CABIN1: variants seen among roughly 807,000 people sequenced by gnomAD.
CABIN1 encodes the protein calcineurin binding protein 1.
In CABIN1, 133 loss-of-function variants were observed where a neutral mutation model predicts 227.7. The ratio of observed to expected loss-of-function variants is 0.58; its 90% CI spans 0.51 to 0.67. The LOEUF (loss-of-function observed/expected upper bound fraction) is 0.67. CABIN1 is among the 30% of genes least tolerant of loss of function. The probability of loss-of-function intolerance (pLI) is 0.00; values close to 1 mark genes in which losing one functional copy is unlikely to be tolerated. For synonymous variants in CABIN1, 1,086 were observed against 1,155.1 expected (o/e 0.94, Z 1.21); for missense variants, 2,408 against 2,852.5 (o/e 0.84, Z 3.55).
intron 1 of CABIN1, among the ~76,000 whole-genome samples, chr22:24,025,854 G>A (rs1367835320): frequency 6.6e-6 from 1 of 151,678 alleles, no homozygotes; most frequent in African/African-American, 2.4e-5. Context: ...ATTTTTTTGA[G>A]ACAGGCTTTC....
intron 29 of CABIN1, among the ~76,000 whole-genome samples, chr22:24,153,339 C>T (rs2045601358): frequency 6.6e-6 from 1 of 152,194 alleles, no homozygotes; most frequent in Admixed American, 6.5e-5. Context: ...GTAAGCAGTT[C>T]TCTCTCTGGG....
chr22:24,072,731 A>G (rs1050666128), intron 18 of CABIN1, among the ~76,000 whole-genome samples: 1 of 152,198 alleles, frequency 6.6e-6, no homozygotes, highest in Non-Finnish European at 1.5e-5. Context: ...ATGTGTGAGC[A>G]TTGTATGTTT....
chr22:24,031,913 A>T (rs2036528825), intron 1 of CABIN1, among the ~76,000 whole-genome samples: 1 of 152,192 alleles, frequency 6.6e-6, no homozygotes, highest in Non-Finnish European at 1.5e-5. Context: ...TATTTTGAAA[A>T]CAAGTTCAAC....
chr22:24,168,089 A>G (rs1310498140), intron 32 of CABIN1, among the ~76,000 whole-genome samples: 2 of 152,136 alleles, frequency 1.3e-5, no homozygotes, highest in African/African-American at 2.4e-5. Flanking sequence ...TCAGCTTGTG[A>G]GGATGTAAGT....
At chr22:24,136,347 CTTTTTTTTTT>C (rs71184947) in intron 29 of CABIN1, among the ~76,000 whole-genome samples, 1 of 113,226 alleles carries the variant, frequency 8.8e-6, no homozygotes, top group African/African-American at 3.8e-5. Context: ...GCCATCCCTC[CTTTTTTTTTT>C]TTTTTTTTTT....
At chr22:24,076,065 A>T in intron 18 of CABIN1, 104 bp from the exon 19 acceptor site, 1 of 745,312 alleles carries the variant, frequency 1.3e-6, no homozygotes, top group Non-Finnish European at 2.4e-6. Context: ...AGTCATGTTG[A>T]TAAAGACAGA....
At chr22:24,048,483 T>C (rs573064310) in intron 6 of CABIN1, among the ~76,000 whole-genome samples, 2 of 152,274 alleles carry the variant, frequency 1.3e-5, no homozygotes, top group South Asian at 2.1e-4. Context: ...TACGGTGGTA[T>C]GATCACAGCT....
At chr22:24,063,625 G>A (rs772815299) in intron 14 of CABIN1, among the ~76,000 whole-genome samples, 46 of 152,192 alleles carry the variant, frequency 3.0e-4, no homozygotes, top group Non-Finnish European at 5.7e-4. Context: ...CTTGCACATG[G>A]TGGTACTGGT....
intron 13 of CABIN1, among the ~76,000 whole-genome samples, chr22:24,062,470 A>T (rs2039269233): frequency 6.9e-6 from 1 of 145,104 alleles, no homozygotes; most frequent in Non-Finnish European, 1.5e-5. Flanking sequence ...TGATTCTCCC[A>T]TATCAGCCTC....
chr22:24,067,740 C>T (rs2039793213), intron 16 of CABIN1, among the ~76,000 whole-genome samples: 1 of 152,174 alleles, frequency 6.6e-6, no homozygotes, highest in African/African-American at 2.4e-5. Context: ...TTCAACCTCT[C>T]TGAGCTCAGT....
chr22:24,134,288 T>G lies in CABIN1; in HGVS notation c.4633-14T>G. ...CCCACACACTCACTTTCAACCTACT[T>G]CTTGTTTCCCCAGAACCTCCAGTGG... On this transcript the variant is annotated splice_polypyrimidine_tract_variant and intron_variant, in intron 28 of 36. Transcript: ENST00000263119. 1 of 1,609,416 alleles carries G rather than the reference T, an allele frequency of 6.2e-7. No individual in the cohort carries two copies. Among genetic ancestry groups the G allele is most frequent in the African/African-American group, 1.3e-5 (1 of 74,890 alleles).
At position 24,167,310 on chromosome 22, in the gene CABIN1, G is replaced by A. The variant is rs775511882; in HGVS notation, c.5679G>A (p.Lys1893=). The part of the protein sequence containing the change: ...RIMSETYMLI[K]QVDEEAALEQ... ...TGTCGGAGACCTACATGCTCATCAA[G>A]CAGGTGGGTGGCAGGCAGAGGCCTG... The change falls in exon 32 of 37, where the codon AAG becomes AAA. Residue 1893 remains lysine, a synonymous_variant. Coordinates refer to ENST00000263119, the MANE Select transcript of CABIN1 (RefSeq NM_012295.4). The A allele has an allele frequency of 3.7e-6, 6 of 1,611,632 alleles. No homozygotes were observed. The highest frequency in any genetic ancestry group is 5.1e-6 in the Non-Finnish European group (6 of 1,179,230).
At chr22:24,172,137 C>T (rs575975340) in intron 34 of CABIN1, 142 bp downstream of exon 34, 3 of 1,009,382 alleles carry the variant, frequency 3.0e-6, no homozygotes, top group Admixed American at 4.6e-5. Flanking sequence ...GGGCAGGTGA[C>T]CGCGGGTCCA....
intron 9 of CABIN1, 144 bp downstream of exon 9, chr22:24,055,303 C>A (rs1203976897): frequency 3.1e-6 from 3 of 953,502 alleles, no homozygotes; most frequent in Non-Finnish European, 4.6e-6. Context: ...AGCCCCCAGC[C>A]CTAGAGGAGC....
chr22:24,134,160 G>A lies in CABIN1; in HGVS notation c.4633-142G>A, dbSNP rs1274392087. ...TCAAAGCCCATGGCCAGAGCAGCCT[G>A]GAGCTGTGGAATCGATGTCTGCAGG... On this transcript the variant is annotated intron_variant, in intron 28 of 36. Transcript: ENST00000263119. 9 of 685,386 alleles carry A rather than the reference G, an allele frequency of 1.3e-5. No homozygotes were observed. In the East Asian group the frequency reaches 2.5e-4, roughly 19 times the overall value. 42.5% of individuals were successfully genotyped at this position (685,386 alleles called of 1,614,324 possible).
chr22:24,011,719 G>A (rs1041983613), intron 1 of CABIN1: 2 of 152,308 alleles, frequency 1.3e-5, no homozygotes, highest in Non-Finnish European at 2.9e-5. Flanking sequence ...CTTCACAGCA[G>A]CCCTGCGAGG....
intron 1 of CABIN1, among the ~76,000 whole-genome samples, chr22:24,024,628 C>T (rs921439073): frequency 6.6e-6 from 1 of 152,116 alleles, no homozygotes; most frequent in African/African-American, 2.4e-5. Flanking sequence ...CTCTCTTCTC[C>T]CTCAGATACT....
Position 24,049,276 on chromosome 22 carries a change from G to A in CABIN1, c.656+56G>A, listed in dbSNP as rs1490547394. On this transcript the variant is annotated intron_variant, in intron 7 of 36. Transcript: ENST00000263119. The stretch of plus-strand genomic sequence containing the variant: ...GCACGCTTACTGTGTGGCTGGTGAA[G>A]GTCAGGAGCACACCACATTCTCCCC... 2.4e-5 allele frequency: 38 copies of A among 1,597,112 alleles called. No individual in the cohort carries two copies. The South Asian group carries it at 4.1e-4, about 17-fold the overall frequency.
intron 3 of CABIN1, among the ~76,000 whole-genome samples, chr22:24,037,189 GGCAGAGGTT>G (rs1406211602): frequency 6.6e-6 from 1 of 151,046 alleles, no homozygotes; most frequent in Non-Finnish European, 1.5e-5. Flanking sequence ...GAGCCTGGAA[GGCAGAGGTT>G]GCAGCGAGCT....
Sources: gnomAD v4.1 joint callset for allele counts (sites outside exome capture counted in the v4.1 genomes callset) on GRCh38, gnomAD v4.1.1 for gene constraint, MANE v1.5 for transcripts, NCBI Gene and HGNC (gene_info 2026-07-23, HGNC 2026-07-21) for gene names.